PPP3CA: variants seen among roughly 807,000 people sequenced by gnomAD.
PPP3CA encodes protein phosphatase 3 catalytic subunit alpha, also known as CAM-PRP catalytic subunit.
In PPP3CA, 14 loss-of-function variants were observed where a neutral mutation model predicts 66.5. The ratio of observed to expected loss-of-function variants is 0.21; its 90% CI spans 0.14 to 0.33. The LOEUF (loss-of-function observed/expected upper bound fraction) is 0.33, where lower values mean the gene tolerates loss of function less well. Ranked by LOEUF, PPP3CA falls within the 10% of genes least tolerant of loss-of-function variation. The pLI is 1.00. For synonymous variants in PPP3CA, 232 were observed against 226.2 expected (o/e 1.03, Z -0.23); for missense variants, 317 against 639.5 (o/e 0.50, Z 5.44).
At position 101,030,073 on chromosome 4, in the gene PPP3CA, C is replaced by T. The variant is rs1726872942; in HGVS notation, c.1340-878G>A. On this transcript the variant is annotated intron_variant, in intron 12 of 13. Coordinates refer to ENST00000394854, the MANE Select transcript of PPP3CA (RefSeq NM_000944.5). ...TATTTCAGAGGCAGAACTTGAAAAG[C>T]CCACTGCTTTATCAGCAATTTTTGT... Among the ~76,000 whole-genome samples, 4 of 152,020 alleles carry T rather than the reference C, an allele frequency of 2.6e-5. No individual in the cohort carries two copies. The South Asian group carries it at 8.3e-4, about 32-fold the overall frequency.
intron 1 of PPP3CA, among the ~76,000 whole-genome samples, chr4:101,343,918 C>A (rs1474604079): frequency 6.6e-6 from 1 of 152,072 alleles, no homozygotes; most frequent in Non-Finnish European, 1.5e-5. Flanking sequence ...ATTTCTTATA[C>A]AACAAAAGCC....
intron 1 of PPP3CA, among the ~76,000 whole-genome samples, chr4:101,236,933 A>C (rs1458838168): frequency 6.6e-6 from 1 of 151,374 alleles, no homozygotes; most frequent in African/African-American, 2.4e-5. Flanking sequence ...TTCATCTGTA[A>C]AATGGCGATA....
chr4:101,340,058 C>T (rs1470701499), intron 1 of PPP3CA, among the ~76,000 whole-genome samples: 1 of 152,166 alleles, frequency 6.6e-6, no homozygotes, highest in Non-Finnish European at 1.5e-5. Flanking sequence ...CTTTGAACAT[C>T]AACCATCATT....
intron 9 of PPP3CA, 23 bp from the exon 10 acceptor site, chr4:101,061,184 G>GA: frequency 6.3e-7 from 1 of 1,597,600 alleles, no homozygotes; most frequent in Non-Finnish European, 8.6e-7. Flanking sequence ...AGCAAAGAAA[G>GA]AAAAGTCAGG....
intron 1 of PPP3CA, among the ~76,000 whole-genome samples, chr4:101,260,131 T>C (rs1726965581): frequency 6.6e-6 from 1 of 152,172 alleles, no homozygotes; most frequent in Admixed American, 6.6e-5. Flanking sequence ...CACAGGCTTC[T>C]GAATACGGGG....
intron 1 of PPP3CA, among the ~76,000 whole-genome samples, chr4:101,339,747 A>G (rs935182890): frequency 6.6e-6 from 1 of 152,226 alleles, no homozygotes; most frequent in African/African-American, 2.4e-5. Flanking sequence ...CTAGGGACCA[A>G]TAAGACAATG....
intron 2 of PPP3CA, among the ~76,000 whole-genome samples, chr4:101,142,781 A>C (rs921720488): frequency 4.6e-5 from 7 of 152,222 alleles, no homozygotes; most frequent in African/African-American, 1.7e-4. Flanking sequence ...AGACACTGGA[A>C]ACAAACTTGG....
At chr4:101,174,881 T>C (rs983425817) in intron 2 of PPP3CA, among the ~76,000 whole-genome samples, 1 of 152,134 alleles carries the variant, frequency 6.6e-6, no homozygotes, top group Non-Finnish European at 1.5e-5. Context: ...AGGTAGACAC[T>C]GAAACACAGT....
chr4:101,259,505 T>C (rs963247587), intron 1 of PPP3CA, among the ~76,000 whole-genome samples: 1 of 152,160 alleles, frequency 6.6e-6, no homozygotes, highest in Non-Finnish European at 1.5e-5. Flanking sequence ...AACTTTGTTC[T>C]TTTTTGTACC....
chr4:101,060,868 C>T (rs1399686712), intron 10 of PPP3CA, among the ~76,000 whole-genome samples: 3 of 152,130 alleles, frequency 2.0e-5, no homozygotes, highest in African/African-American at 7.2e-5. Flanking sequence ...AAACAGTTTA[C>T]TACTTTAACA....
At chr4:101,110,717 G>A (rs1017904244) in intron 2 of PPP3CA, among the ~76,000 whole-genome samples, 2 of 152,006 alleles carry the variant, frequency 1.3e-5, no homozygotes, top group Admixed American at 6.6e-5. Flanking sequence ...CATATTCTGA[G>A]GCATTGAGAA....
chr4:101,029,529 T>C (rs1483525582), intron 12 of PPP3CA, among the ~76,000 whole-genome samples: 1 of 151,948 alleles, frequency 6.6e-6, no homozygotes, highest in Non-Finnish European at 1.5e-5. Flanking sequence ...TTATAAGAGA[T>C]TATGTAAATC....
At position 101,273,658 on chromosome 4, in the gene PPP3CA, A is replaced by G. The variant is rs548478024; in HGVS notation, c.58+73081T>C. On this transcript the variant is annotated intron_variant, in intron 1 of 13. Transcript: ENST00000394854. ...TACATATTTTATGATGACAGTTCAC[A>G]TTTAAGAAACTGAATCCCAAGCATG... 2.5e-4 allele frequency among the ~76,000 whole-genome samples: 38 copies of G among 152,326 alleles called. No individual in the cohort carries two copies. In the South Asian group the frequency reaches 7.3e-3, roughly 29 times the overall value.
At chr4:101,031,721 T>C (rs1320272988) in intron 12 of PPP3CA, among the ~76,000 whole-genome samples, 1 of 152,162 alleles carries the variant, frequency 6.6e-6, no homozygotes, top group Non-Finnish European at 1.5e-5. Context: ...ATGTTACTCT[T>C]TTTTCAAAAA....
chr4:101,048,816 G>C (rs1381786105), intron 10 of PPP3CA, among the ~76,000 whole-genome samples: 1 of 151,860 alleles, frequency 6.6e-6, no homozygotes, highest in Non-Finnish European at 1.5e-5. Context: ...TATATATTAA[G>C]AGCCTGCAAT....
chr4:101,202,482 A>G (rs1463547042), intron 1 of PPP3CA, among the ~76,000 whole-genome samples: 2 of 152,178 alleles, frequency 1.3e-5, no homozygotes, highest in African/African-American at 4.8e-5. Context: ...ATATGTGTTT[A>G]TTTATGCACA....
chr4:101,263,382 T>G (rs981948777), intron 1 of PPP3CA, among the ~76,000 whole-genome samples: 2 of 152,174 alleles, frequency 1.3e-5, no homozygotes, highest in African/African-American at 4.8e-5. Context: ...ATCAGTGCCA[T>G]TCTTGTCCCT....
chr4:101,030,816 A>AATAC (rs533493280), intron 12 of PPP3CA, among the ~76,000 whole-genome samples: 9 of 152,278 alleles, frequency 5.9e-5, no homozygotes, highest in African/African-American at 2.2e-4. Context: ...AGTTTCTGAT[A>AATAC]ATACACTTGC....
chr4:101,320,029 G>A (rs1728992115), intron 1 of PPP3CA, among the ~76,000 whole-genome samples: 1 of 152,024 alleles, frequency 6.6e-6, no homozygotes, highest in African/African-American at 2.4e-5. Flanking sequence ...TTCCATACGA[G>A]TCAGTGAATA....
Sources: gnomAD v4.1 joint callset for allele counts (sites outside exome capture counted in the v4.1 genomes callset) on GRCh38, gnomAD v4.1.1 for gene constraint, MANE v1.5 for transcripts, NCBI Gene and HGNC (gene_info 2026-07-23, HGNC 2026-07-21) for gene names.